The following CFAP299 variants were observed in gnomAD, a reference collection of about 807,000 sequenced individuals.
The protein encoded by CFAP299 is cilia- and flagella-associated protein 299.
In CFAP299, 21 loss-of-function variants were observed where a neutral mutation model predicts 27.0. That is an observed-to-expected ratio of 0.78 (90% CI 0.55 to 1.12). The LOEUF is 1.12. Among genes scored for constraint, CFAP299 ranks in the 50% most tolerant of loss-of-function variants. CFAP299 has a pLI of 0.00. For synonymous variants in CFAP299, 104 were observed against 98.1 expected (o/e 1.06, Z -0.36); for missense variants, 310 against 276.6 (o/e 1.12, Z -0.86).
intron 3 of CFAP299, among the ~76,000 whole-genome samples, chr4:80,740,715 C>T (rs1724209749): frequency 6.6e-6 from 1 of 152,190 alleles, no homozygotes; most frequent in African/African-American, 2.4e-5. Flanking sequence ...TTCTATTCTG[C>T]TGTGGCTAGG....
intron 3 of CFAP299, among the ~76,000 whole-genome samples, chr4:80,698,615 A>G (rs777584001): frequency 2.0e-5 from 3 of 152,214 alleles, no homozygotes; most frequent in Non-Finnish European, 2.9e-5. Context: ...ATATTAATCT[A>G]TTCTTGTACC....
chr4:80,686,440 A>G (rs1720201658), intron 3 of CFAP299, among the ~76,000 whole-genome samples: 1 of 152,228 alleles, frequency 6.6e-6, no homozygotes. Flanking sequence ...TTATAAAAAT[A>G]CTTTCATATG....
At chr4:80,691,061 A>T (rs1285312990) in intron 3 of CFAP299, among the ~76,000 whole-genome samples, 3 of 123,434 alleles carry the variant, frequency 2.4e-5, no homozygotes, top group Non-Finnish European at 5.1e-5. Context: ...ATAGCTTACC[A>T]ACCAAAAAGA....
At chr4:80,583,230 C>A (rs915909654) in intron 3 of CFAP299, 47 bp downstream of exon 3, 10 of 1,058,660 alleles carry the variant, frequency 9.4e-6, no homozygotes, top group Non-Finnish European at 1.3e-5. Flanking sequence ...ACTAAATGCA[C>A]AATTAATATT....
At chr4:80,949,222 G>A (rs1737636561) in intron 5 of CFAP299, among the ~76,000 whole-genome samples, 1 of 152,156 alleles carries the variant, frequency 6.6e-6, no homozygotes. Flanking sequence ...ACATGGGGAG[G>A]TGAAGATGAG....
chr4:80,732,669 C>T (rs1281871740), intron 3 of CFAP299, among the ~76,000 whole-genome samples: 3 of 152,088 alleles, frequency 2.0e-5, no homozygotes, highest in Admixed American at 6.6e-5. Context: ...ACACTCTTTC[C>T]TGGGTCCTCC....
intron 3 of CFAP299, among the ~76,000 whole-genome samples, chr4:80,605,270 A>G (rs1354454887): frequency 6.6e-6 from 1 of 152,226 alleles, no homozygotes. Context: ...AACAACATTT[A>G]GTTTTCAGCC....
At chr4:80,446,008 C>G (rs763906981) in intron 2 of CFAP299, among the ~76,000 whole-genome samples, 2 of 152,132 alleles carry the variant, frequency 1.3e-5, no homozygotes, top group Non-Finnish European at 2.9e-5. Context: ...TGGTGTCTCT[C>G]CCTTTGATAT....
chr4:80,575,107 G>A (rs13105199), intron 2 of CFAP299, among the ~76,000 whole-genome samples: 15,650 of 151,970 alleles, frequency 0.1, 907 homozygotes, highest in South Asian at 0.23. Flanking sequence ...TTCATTTGTT[G>A]GGAGACTTTT....
intron 4 of CFAP299, among the ~76,000 whole-genome samples, chr4:80,890,051 T>C (rs1397695590): frequency 6.6e-6 from 1 of 152,040 alleles, no homozygotes; most frequent in African/African-American, 2.4e-5. Context: ...ATCCTTCCCT[T>C]CCCTCTTATA....
At chr4:80,933,003 TA>T (rs1299204273) in intron 4 of CFAP299, among the ~76,000 whole-genome samples, 5 of 152,304 alleles carry the variant, frequency 3.3e-5, no homozygotes, top group Non-Finnish European at 7.4e-5. Flanking sequence ...TCCATTTTAT[TA>T]AAAAATTACA....
chr4:80,522,191 C>G (rs1029014953), intron 2 of CFAP299, among the ~76,000 whole-genome samples: 2 of 151,646 alleles, frequency 1.3e-5, no homozygotes, highest in Admixed American at 1.3e-4. Flanking sequence ...AATATAAGGG[C>G]CATTCTAACA....
intron 3 of CFAP299, among the ~76,000 whole-genome samples, chr4:80,702,948 C>T (rs1208508794): frequency 2.0e-5 from 3 of 151,762 alleles, no homozygotes. Flanking sequence ...CTAATGCCAT[C>T]CTTCATAGAG....
intron 2 of CFAP299, among the ~76,000 whole-genome samples, chr4:80,564,710 T>C (rs1578606185): frequency 6.6e-6 from 1 of 152,036 alleles, no homozygotes; most frequent in East Asian, 1.9e-4. Context: ...GGCATCCCAA[T>C]TGTAAAGGAA....
chr4:80,782,685 AATATATAATATATTC>A (rs1478151382), intron 3 of CFAP299, among the ~76,000 whole-genome samples: 1 of 130,550 alleles, frequency 7.7e-6, no homozygotes, highest in Non-Finnish European at 1.6e-5. Context: ...TACATATATG[AATATATAATATATTC>A]ATATATAATA....
At chr4:80,454,956 G>A (rs1261266255) in intron 2 of CFAP299, among the ~76,000 whole-genome samples, 2 of 152,168 alleles carry the variant, frequency 1.3e-5, no homozygotes, top group Non-Finnish European at 2.9e-5. Context: ...GTTCCTGTGT[G>A]GGGGCCACAA....
At chr4:80,375,209 A>G (rs747221695) in intron 2 of CFAP299, among the ~76,000 whole-genome samples, 2 of 152,232 alleles carry the variant, frequency 1.3e-5, no homozygotes, top group African/African-American at 2.4e-5. Flanking sequence ...ATCGTGGTCC[A>G]TAGAAGAGCA....
chr4:80,765,545 T>A (rs1309640244), intron 3 of CFAP299, among the ~76,000 whole-genome samples: 1 of 152,090 alleles, frequency 6.6e-6, no homozygotes, highest in Admixed American at 6.5e-5. Context: ...ATAGTATTTT[T>A]AAATGAATAG....
At position 80,625,017 on chromosome 4, in the gene CFAP299, C is replaced by T. The variant is rs573188623; in HGVS notation, c.333+41834C>T. ...AGCTCTTCAAGGTGAAAGAAAAAAA[C>T]ACTAATAAGTCACGTGAAAACACCT... On this transcript the variant is annotated intron_variant, in intron 3 of 5. Coordinates refer to ENST00000358105, the MANE Select transcript of CFAP299 (RefSeq NM_152770.3). Among the ~76,000 whole-genome samples the T allele has an allele frequency of 2.2e-4, 34 of 152,172 alleles. No individual in the cohort carries two copies. The East Asian group carries it at 6.4e-3, about 28-fold the overall frequency.
Sources: allele counts gnomAD v4.1 joint callset (sites outside exome capture counted in the v4.1 genomes callset), GRCh38; gene constraint gnomAD v4.1.1; transcripts MANE v1.5; gene names NCBI Gene and HGNC (gene_info 2026-07-23, HGNC 2026-07-21).